Variants in SNRPN observed in about 807,000 individuals in gnomAD.
SNRPN encodes the protein small nuclear ribonucleoprotein-associated protein N.
Under a neutral mutation model 25.2 loss-of-function variants are expected in SNRPN, and 7 were observed. The observed-to-expected ratio is 0.28, with a 90% CI of 0.16 to 0.52. The LOEUF is 0.52. SNRPN is among the 20% of genes least tolerant of loss of function. The probability of loss-of-function intolerance (pLI) is 0.96; values close to 1 mark genes in which losing one functional copy is unlikely to be tolerated. For synonymous variants in SNRPN, 124 were observed against 110.6 expected (o/e 1.12, Z -0.76); for missense variants, 196 against 322.5 (o/e 0.61, Z 3.00).
chr15:24,875,671 C>T lies in SNRPN; in HGVS notation c.-578-10845C>T, dbSNP rs1301342325. ...TGGTAGCTCACACCTGTAATCCCAG[C>T]AATTTAAGTGGCTGTGGTGTGAGGA... On this transcript the variant is annotated intron_variant, in intron 1 of 11. Coordinates refer to the SNRPN transcript ENST00000400097. Among the ~76,000 whole-genome samples, 8 of 152,138 alleles carry T rather than the reference C, an allele frequency of 5.3e-5. No homozygotes were observed. In the East Asian group the frequency reaches 1.5e-3, roughly 29 times the overall value.
At chr15:24,967,754 G>A (rs1485255163) in intron 2 of SNRPN, among the ~76,000 whole-genome samples, 178 bp from the exon 3 acceptor site, 1 of 147,970 alleles carries the variant, frequency 6.8e-6, no homozygotes, top group Admixed American at 6.9e-5. Flanking sequence ...TTTGTGGTGA[G>A]CAGAAATTGC....
chr15:24,975,327 C>A, intron 4 of SNRPN, 31 bp from the exon 5 acceptor site: 1 of 1,593,266 alleles, frequency 6.3e-7, no homozygotes. Flanking sequence ...TGTTGGCAAG[C>A]TGAACATGAC....
At chr15:24,842,634 C>G (rs2051807534) in intron 2 of SNRPN, among the ~76,000 whole-genome samples, 1 of 152,126 alleles carries the variant, frequency 6.6e-6, no homozygotes, top group South Asian at 2.1e-4. Context: ...AGGAACAAAC[C>G]CCAGCTCTCC....
At chr15:24,904,319 G>A (rs1005686562) in intron 2 of SNRPN, among the ~76,000 whole-genome samples, 3 of 152,092 alleles carry the variant, frequency 2.0e-5, no homozygotes, top group African/African-American at 7.2e-5. Context: ...ATGTACAGGA[G>A]TATGTTTTAA....
chr15:24,918,079 G>A (rs1488585119), intron 2 of SNRPN, among the ~76,000 whole-genome samples: 1 of 151,854 alleles, frequency 6.6e-6, no homozygotes, highest in Admixed American at 6.6e-5. Context: ...CAGTAAGTTT[G>A]AGGGTAGAAT....
At chr15:24,915,540 T>C (rs1245710917) in intron 2 of SNRPN, among the ~76,000 whole-genome samples, 2 of 152,200 alleles carry the variant, frequency 1.3e-5, no homozygotes, top group African/African-American at 4.8e-5. Flanking sequence ...AGAAACTTTG[T>C]CATCCCTCCT....
intron 1 of SNRPN, among the ~76,000 whole-genome samples, chr15:24,879,974 A>G (rs906115380): frequency 6.6e-6 from 1 of 151,926 alleles, no homozygotes; most frequent in African/African-American, 2.4e-5. Context: ...TTAATCAGCA[A>G]CTCCAAGAGG....
At chr15:24,840,854 T>C (rs895859184) in intron 2 of SNRPN, among the ~76,000 whole-genome samples, 4 of 152,176 alleles carry the variant, frequency 2.6e-5, no homozygotes, top group African/African-American at 9.7e-5. Context: ...TGTCACTTTT[T>C]TCTTTTTTTC....
intron 1 of SNRPN, among the ~76,000 whole-genome samples, chr15:24,961,631 G>C (rs901387631): frequency 6.6e-6 from 1 of 151,798 alleles, no homozygotes; most frequent in Non-Finnish European, 1.5e-5. Flanking sequence ...CCTAAAGAAA[G>C]CACCATTTGC....
chr15:24,957,360 T>TG (rs1378020193), intron 1 of SNRPN, among the ~76,000 whole-genome samples: 3 of 152,302 alleles, frequency 2.0e-5, no homozygotes, highest in Admixed American at 6.5e-5. Context: ...ACAATCTTAT[T>TG]GGGGTGGGGT....
rs35835568 is a variant in SNRPN, at chr15:24,915,968, C to CTTTT, written c.-504-4025_-504-4022dup. ...TGTGGTTTTTTTTTGGCCAGGTTGA[C>CTTTT]TTTTTTTTTTTTTTTTTTTTTGAGA... On this transcript the variant is annotated intron_variant, in intron 2 of 11. Coordinates refer to the SNRPN transcript ENST00000400097. Among the ~76,000 whole-genome samples the CTTTT allele has an allele frequency of 1.5e-3, 142 of 97,374 alleles. 3 individuals are homozygous for CTTTT. Among genetic ancestry groups the CTTTT allele is most frequent in the African/African-American group, 1.7e-3 (43 of 25,362 alleles). The allele number at this position is 97,374 out of a possible 152,430, so 63.9% of individuals were successfully genotyped here.
At chr15:24,960,042 A>T (rs1280191847) in intron 1 of SNRPN, among the ~76,000 whole-genome samples, 1 of 151,918 alleles carries the variant, frequency 6.6e-6, no homozygotes, top group Non-Finnish European at 1.5e-5. Context: ...AGGTGGGTAG[A>T]TCACCTGAGG....
upstream of SNRPN, among the ~76,000 whole-genome samples, chr15:24,954,651 G>C (rs1057188990): frequency 2.0e-5 from 3 of 152,242 alleles, no homozygotes; most frequent in Non-Finnish European, 4.4e-5. Context: ...CTGAGGGTGA[G>C]TGTAAATTAG....
At chr15:24,921,596 G>A (rs1242290161) in intron 3 of SNRPN, among the ~76,000 whole-genome samples, 3 of 152,128 alleles carry the variant, frequency 2.0e-5, no homozygotes, top group Admixed American at 6.6e-5. Context: ...GCCACCCAGG[G>A]CTTGGTAAAT....
At chr15:24,841,727 T>C (rs1002888861) in intron 2 of SNRPN, among the ~76,000 whole-genome samples, 3 of 152,180 alleles carry the variant, frequency 2.0e-5, no homozygotes, top group African/African-American at 7.2e-5. Flanking sequence ...ATTTCCCTGG[T>C]CTTCCTCCTT....
At chr15:24,926,619 GT>G (rs34428935) in intron 3 of SNRPN, among the ~76,000 whole-genome samples, 5,006 of 148,244 alleles carry the variant, frequency 0.034, 230 homozygotes, top group African/African-American at 0.11. Flanking sequence ...ATGGATTCTG[GT>G]TTTTTTTTTG....
intron 7 of SNRPN, among the ~76,000 whole-genome samples, 186 bp downstream of exon 7, chr15:24,977,215 T>G (rs1452690524): frequency 2.0e-5 from 3 of 152,190 alleles, no homozygotes; most frequent in Non-Finnish European, 4.4e-5. Context: ...ATTGGGTGAT[T>G]AAAGTTACCC....
intron 2 of SNRPN, among the ~76,000 whole-genome samples, chr15:24,847,718 C>G (rs8028286): frequency 0.028 from 4,239 of 152,254 alleles, 179 homozygotes; most frequent in African/African-American, 0.096. Flanking sequence ...CTCAGCGAGT[C>G]CTGGCCCATG....
At chr15:24,966,789 C>T (rs1288651161) in intron 2 of SNRPN, among the ~76,000 whole-genome samples, 1 of 152,030 alleles carries the variant, frequency 6.6e-6, no homozygotes, top group Non-Finnish European at 1.5e-5. Context: ...GAAAAAAGTC[C>T]AATTTCCAAA....
Sources: gnomAD v4.1 joint callset for allele counts (sites outside exome capture counted in the v4.1 genomes callset) on GRCh38, gnomAD v4.1.1 for gene constraint, MANE v1.5 for transcripts, NCBI Gene and HGNC (gene_info 2026-07-23, HGNC 2026-07-21) for gene names.